The following CCDC149 variants were observed in gnomAD, a reference collection of about 807,000 sequenced individuals.
CCDC149 encodes coiled-coil domain-containing protein 149.
A neutral mutation model predicts 59.9 loss-of-function variants in CCDC149; 45 were observed. The observed-to-expected ratio is 0.75, with a 90% CI of 0.59 to 0.96. CCDC149 has a LOEUF of 0.96. CCDC149 is among the 40% of genes least tolerant of loss of function. The pLI, the probability that CCDC149 is intolerant of heterozygous loss-of-function variation, is 0.00. For synonymous variants in CCDC149, 245 were observed against 260.6 expected (o/e 0.94, Z 0.58); for missense variants, 584 against 664.7 (o/e 0.88, Z 1.33).
intron 3 of CCDC149, among the ~76,000 whole-genome samples, chr4:24,871,137 G>A (rs527763628): frequency 2.0e-5 from 3 of 152,032 alleles, no homozygotes; most frequent in African/African-American, 7.2e-5. Flanking sequence ...CAAACCTGGA[G>A]CATTATAAAA....
intron 12 of CCDC149, 133 bp downstream of exon 12, chr4:24,819,726 G>A (rs1715242414): frequency 2.7e-6 from 2 of 734,306 alleles, no homozygotes; most frequent in South Asian, 3.1e-5. Context: ...GCAACAAGAG[G>A]AAATCTGAGG....
At chr4:24,956,755 T>C (rs1022054651) in intron 1 of CCDC149, among the ~76,000 whole-genome samples, 9 of 152,226 alleles carry the variant, frequency 5.9e-5, no homozygotes, top group Non-Finnish European at 1.2e-4. Flanking sequence ...AATAAATTTA[T>C]TGTATTTTGA....
At chr4:24,900,950 G>C (rs1372323406) in intron 1 of CCDC149, among the ~76,000 whole-genome samples, 5 of 152,198 alleles carry the variant, frequency 3.3e-5, no homozygotes, top group African/African-American at 1.2e-4. Flanking sequence ...AGAAAGATAG[G>C]TCAAGGTCAG....
chr4:24,926,156 T>C (rs1560258619), intron 1 of CCDC149, among the ~76,000 whole-genome samples: 1 of 152,060 alleles, frequency 6.6e-6, no homozygotes, highest in Non-Finnish European at 1.5e-5. Flanking sequence ...AGATGGTGCC[T>C]TTGCACTCCA....
chr4:24,844,570 C>T (rs904675285), intron 4 of CCDC149, among the ~76,000 whole-genome samples: 1 of 151,992 alleles, frequency 6.6e-6, no homozygotes, highest in Non-Finnish European at 1.5e-5. Flanking sequence ...GTCAGGAGTT[C>T]GAGGACAGCC....
At chr4:24,830,099 G>C (rs1199932200) in intron 9 of CCDC149, 1 of 152,662 alleles carries the variant, frequency 6.6e-6, no homozygotes, top group African/African-American at 2.4e-5. Flanking sequence ...GCAGAACATG[G>C]GGAGACTGGT....
At chr4:24,940,952 C>T (rs908718997) in intron 1 of CCDC149, among the ~76,000 whole-genome samples, 1 of 152,148 alleles carries the variant, frequency 6.6e-6, no homozygotes, top group African/African-American at 2.4e-5. Flanking sequence ...TAATGGGAGA[C>T]TTTAACACCC....
intron 1 of CCDC149, among the ~76,000 whole-genome samples, chr4:24,902,520 G>A (rs766433735): frequency 1.6e-4 from 24 of 152,058 alleles, no homozygotes; most frequent in East Asian, 5.8e-4. Flanking sequence ...GAGCATCTCC[G>A]CAAAGGCCAC....
intron 3 of CCDC149, among the ~76,000 whole-genome samples, chr4:24,872,976 A>T (rs115533404): frequency 5.0e-5 from 4 of 79,278 alleles, no homozygotes; most frequent in Admixed American, 1.4e-4. Flanking sequence ...ATGCACCCGC[A>T]GAATGGTATG....
At chr4:24,963,218 T>C in intron 1 of CCDC149, among the ~76,000 whole-genome samples, 1 of 152,118 alleles carries the variant, frequency 6.6e-6, no homozygotes. Context: ...TTTACCATCT[T>C]CTGCCTGGTG....
At chr4:24,810,915 T>C (rs941522266) in intron 12 of CCDC149, among the ~76,000 whole-genome samples, 1 of 152,202 alleles carries the variant, frequency 6.6e-6, no homozygotes, top group Non-Finnish European at 1.5e-5. Flanking sequence ...AAGACTCTTT[T>C]ATAGGCCAGA....
At chr4:24,896,514 C>T (rs1302013289) in intron 1 of CCDC149, among the ~76,000 whole-genome samples, 3 of 152,154 alleles carry the variant, frequency 2.0e-5, no homozygotes, top group Non-Finnish European at 2.9e-5. Context: ...AGAGTTAAAG[C>T]CTGGTGTATG....
At chr4:24,908,280 C>T (rs1721655189) in intron 1 of CCDC149, among the ~76,000 whole-genome samples, 1 of 152,108 alleles carries the variant, frequency 6.6e-6, no homozygotes, top group Admixed American at 6.5e-5. Context: ...AAAGGCAGGG[C>T]CAAGACTTCC....
intron 1 of CCDC149, among the ~76,000 whole-genome samples, chr4:24,974,189 C>T (rs1419018464): frequency 2.6e-5 from 4 of 152,214 alleles, no homozygotes; most frequent in Non-Finnish European, 5.9e-5. Context: ...CCGCAGGTGC[C>T]GGCTGCTTTC....
intron 1 of CCDC149, among the ~76,000 whole-genome samples, chr4:24,934,248 C>A (rs1359108173): frequency 6.6e-6 from 1 of 152,126 alleles, no homozygotes; most frequent in Non-Finnish European, 1.5e-5. Context: ...GGTTGTTTCC[C>A]CCATACTGTT....
chr4:24,939,527 G>A (rs986922806), intron 1 of CCDC149, among the ~76,000 whole-genome samples: 2 of 152,150 alleles, frequency 1.3e-5, no homozygotes, highest in African/African-American at 2.4e-5. Context: ...CACCAGCAAC[G>A]GAACAAAGCT....
intron 9 of CCDC149, chr4:24,830,393 C>T (rs1452164566): frequency 6.6e-6 from 1 of 152,132 alleles, no homozygotes; most frequent in African/African-American, 2.4e-5. Flanking sequence ...ACATTTAAAC[C>T]TTCTCCTGTC....
At chr4:24,954,333 C>T (rs1723402583) in intron 1 of CCDC149, among the ~76,000 whole-genome samples, 1 of 152,122 alleles carries the variant, frequency 6.6e-6, no homozygotes, top group Admixed American at 6.5e-5. Context: ...TTCTACAGTT[C>T]TGAGGTCTCA....
chr4:24,944,550 T>TA (rs1560265060), intron 1 of CCDC149, among the ~76,000 whole-genome samples: 13 of 106,024 alleles, frequency 1.2e-4, no homozygotes, highest in South Asian at 9.7e-4. Flanking sequence ...AAAGTATAAT[T>TA]TAAAAAAAAA....
Sources: gnomAD v4.1 joint callset for allele counts (sites outside exome capture counted in the v4.1 genomes callset) on GRCh38, gnomAD v4.1.1 for gene constraint, MANE v1.5 for transcripts, NCBI Gene and HGNC (gene_info 2026-07-23, HGNC 2026-07-21) for gene names.